AGO3: variants seen among roughly 807,000 people sequenced by gnomAD.
AGO3 encodes protein argonaute-3.
AGO3 carries 16 observed loss-of-function variants against 105.5 expected under a neutral mutation model. That is an observed-to-expected ratio of 0.15 (90% CI 0.10 to 0.23). The LOEUF is 0.23. Among genes scored for constraint, AGO3 ranks in the 10% least tolerant of loss-of-function variants. The pLI, the probability that AGO3 is intolerant of heterozygous loss-of-function variation, is 1.00. For missense variants in AGO3, 534 were observed against 1,088.0 expected (o/e 0.49, Z 7.16); for synonymous variants, 340 against 367.3 (o/e 0.93, Z 0.85).
chr1:35,962,766 T>G (rs1398442556), intron 2 of AGO3, among the ~76,000 whole-genome samples: 2 of 152,056 alleles, frequency 1.3e-5, no homozygotes, highest in African/African-American at 4.8e-5. Context: ...TCCTTGCTGT[T>G]TATAAAGAAG....
chr1:35,955,501 A>G (rs998704901), intron 2 of AGO3, among the ~76,000 whole-genome samples: 3 of 152,224 alleles, frequency 2.0e-5, no homozygotes, highest in Admixed American at 6.5e-5. Context: ...TTAATGGTAC[A>G]AAAAACCCTG....
intron 1 of AGO3, among the ~76,000 whole-genome samples, chr1:35,938,352 A>G (rs1646190181): frequency 6.6e-6 from 1 of 152,196 alleles, no homozygotes; most frequent in Non-Finnish European, 1.5e-5. Context: ...AACAAACGAT[A>G]TAAGAATGTC....
chr1:36,050,665 G>A (rs1297394647), intron 17 of AGO3, among the ~76,000 whole-genome samples: 5 of 151,214 alleles, frequency 3.3e-5, no homozygotes, highest in African/African-American at 9.7e-5. Flanking sequence ...GGTGGCGGGC[G>A]CCTATAATCC....
At chr1:36,031,724 G>C (rs1003720709) in intron 12 of AGO3, among the ~76,000 whole-genome samples, 6 of 152,008 alleles carry the variant, frequency 3.9e-5, no homozygotes, top group African/African-American at 1.4e-4. Context: ...GGAAAGCACT[G>C]TTCTACTTTC....
At chr1:36,004,064 C>A (rs1640232104) in intron 5 of AGO3, 1 of 254,714 alleles carries the variant, frequency 3.9e-6, no homozygotes, top group Non-Finnish European at 7.4e-6. Context: ...TTGTCTCTTT[C>A]AAGCCTTGTC....
chr1:35,962,579 G>T (rs1646698225), intron 2 of AGO3, among the ~76,000 whole-genome samples: 1 of 151,160 alleles, frequency 6.6e-6, no homozygotes, highest in Non-Finnish European at 1.5e-5. Context: ...AAAACATCTT[G>T]TACTGGCACA....
Position 36,039,956 on chromosome 1 carries a change from A to G in AGO3, c.2009A>G (p.Asp670Gly). The G allele has an allele frequency of 6.2e-7, 1 of 1,613,302 alleles. No homozygotes were observed. Among genetic ancestry groups the G allele is most frequent in the Non-Finnish European group, 8.5e-7 (1 of 1,179,724 alleles). Residue 670 changes from aspartate to glycine, a missense_variant, in exon 15 of 19, where the codon GAT becomes GGT. Asp to Gly is a moderately conservative substitution (Grantham distance 94, BLOSUM62 -1). This residue lies in a region of AGO3 where 373 missense variants were observed against 854.0 expected (regional missense o/e 0.44). Coordinates refer to ENST00000373191, the MANE Select transcript of AGO3 (RefSeq NM_024852.4). ...FKPTRIIFYR[D>G]GVSEGQFRQV... ...CCTACTCGTATCATCTTTTATCGGGATGGTGTTTCAGAGGGGCAGTTTAGG... is the reference window on the plus strand; with the variant it reads ...CCTACTCGTATCATCTTTTATCGGGGTGGTGTTTCAGAGGGGCAGTTTAGG...
chr1:35,986,148 C>A (rs1166058136), intron 5 of AGO3, among the ~76,000 whole-genome samples: 1 of 152,000 alleles, frequency 6.6e-6, no homozygotes, highest in Non-Finnish European at 1.5e-5. Flanking sequence ...GTACAACTAC[C>A]CCGGAGAGCA....
At chr1:36,036,970 A>G (rs1642039305) in intron 14 of AGO3, among the ~76,000 whole-genome samples, 1 of 152,136 alleles carries the variant, frequency 6.6e-6, no homozygotes, top group Non-Finnish European at 1.5e-5. Context: ...TGCTGAGATT[A>G]CAGGTGTGAG....
At chr1:35,989,044 C>G (rs975660433) in intron 5 of AGO3, among the ~76,000 whole-genome samples, 1 of 152,176 alleles carries the variant, frequency 6.6e-6, no homozygotes, top group Non-Finnish European at 1.5e-5. Context: ...AACTTGAAAT[C>G]AGCTGGAGAA....
At position 35,972,212 on chromosome 1, in the gene AGO3, A is replaced by G. The variant is rs935560772; in HGVS notation, c.501A>G (p.Leu167=). ...TNPVHAVDVV[L]RHLPSMKYTP... Reference sequence around the variant, plus strand: ...CTGTCCATGCCGTTGATGTGGTGCTACGACATCTGCCCTCCATGAAGTGGG... The same window carrying G: ...CTGTCCATGCCGTTGATGTGGTGCTGCGACATCTGCCCTCCATGAAGTGGG... The change falls in exon 4 of 19, where the codon CTA becomes CTG. Residue 167 remains leucine, a synonymous_variant. Coordinates refer to ENST00000373191, the MANE Select transcript of AGO3 (RefSeq NM_024852.4). The G allele has an allele frequency of 2.5e-6, 4 of 1,613,932 alleles. No individual in the cohort carries two copies. The Admixed American group carries it at 5.0e-5, about 20-fold the overall frequency.
intron 5 of AGO3, among the ~76,000 whole-genome samples, chr1:35,992,981 A>G (rs950373998): frequency 1.3e-5 from 2 of 152,234 alleles, no homozygotes; most frequent in African/African-American, 4.8e-5. Context: ...CTGGGTAAGT[A>G]TCCTCACAAC....
At chr1:35,988,545 TCTTG>T (rs1456364956) in intron 5 of AGO3, among the ~76,000 whole-genome samples, 2 of 151,932 alleles carry the variant, frequency 1.3e-5, no homozygotes, top group Non-Finnish European at 2.9e-5. Flanking sequence ...TCTTTCTGTG[TCTTG>T]CTTATTTTAT....
At chr1:35,943,047 G>T (rs1646285670) in intron 1 of AGO3, among the ~76,000 whole-genome samples, 1 of 151,670 alleles carries the variant, frequency 6.6e-6, no homozygotes, top group African/African-American at 2.4e-5. Context: ...CTGTCACCCA[G>T]GCGGGAGTGC....
chr1:35,964,088 A>G (rs1418517082), intron 2 of AGO3, among the ~76,000 whole-genome samples: 1 of 152,126 alleles, frequency 6.6e-6, no homozygotes, highest in East Asian at 1.9e-4. Flanking sequence ...CAAAAATTGT[A>G]TATGTGTATG....
intron 1 of AGO3, among the ~76,000 whole-genome samples, chr1:35,937,163 A>G (rs891714323): frequency 3.3e-5 from 5 of 152,184 alleles, no homozygotes; most frequent in Admixed American, 6.5e-5. Flanking sequence ...GTGCTTTGGG[A>G]GGCCGAGGCA....
intron 4 of AGO3, 75 bp from the exon 5 acceptor site, chr1:35,973,300 A>G (rs976105475): frequency 6.2e-6 from 8 of 1,300,496 alleles, no homozygotes; most frequent in Non-Finnish European, 4.0e-6. Flanking sequence ...ATTGTGCTCT[A>G]GTCTCCCCTT....
chr1:35,973,242 G>A, intron 4 of AGO3, 133 bp from the exon 5 acceptor site: 1 of 1,015,678 alleles, frequency 9.8e-7, no homozygotes, highest in Non-Finnish European at 1.3e-6. Context: ...CTCAAATTTG[G>A]AACATGTTTA....
chr1:36,024,920 T>C (rs61518776), intron 11 of AGO3, among the ~76,000 whole-genome samples: 1 of 152,182 alleles, frequency 6.6e-6, no homozygotes, highest in South Asian at 2.1e-4. Context: ...TTAACCTGTT[T>C]CCACTCATGC....
Sources: gnomAD v4.1 joint callset for allele counts (sites outside exome capture counted in the v4.1 genomes callset) on GRCh38, gnomAD v4.1.1 for gene constraint, gnomAD v4.1.1 regional missense constraint, MANE v1.5 for transcripts, NCBI Gene and HGNC (gene_info 2026-07-23, HGNC 2026-07-21) for gene names.